Variants in CA10 observed in about 807,000 individuals in gnomAD.
The protein encoded by CA10 is carbonic anhydrase-related protein 10.
Under a neutral mutation model 44.2 loss-of-function variants are expected in CA10, and 14 were observed. The ratio of observed to expected loss-of-function variants is 0.32; its 90% confidence interval spans 0.21 to 0.50. The LOEUF is 0.50. Ranked by LOEUF, CA10 falls within the 20% of genes least tolerant of loss-of-function variation. The pLI is 0.99. For synonymous variants in CA10, 159 were observed against 141.6 expected (o/e 1.12, Z -0.87); for missense variants, 350 against 409.7 (o/e 0.85, Z 1.26).
At chr17:51,654,682 A>C (rs1256732001) in intron 4 of CA10, among the ~76,000 whole-genome samples, 1 of 151,912 alleles carries the variant, frequency 6.6e-6, no homozygotes, top group Non-Finnish European at 1.5e-5. Context: ...TCAGCCTTCC[A>C]AGTAGCTAGG....
intron 3 of CA10, among the ~76,000 whole-genome samples, chr17:51,752,895 G>T (rs1262040226): frequency 6.6e-6 from 1 of 151,906 alleles, no homozygotes; most frequent in African/African-American, 2.4e-5. Context: ...CTGCAGCCTG[G>T]GTGACAGAGT....
chr17:51,906,309 C>T (rs1981549935), intron 3 of CA10, among the ~76,000 whole-genome samples: 1 of 152,086 alleles, frequency 6.6e-6, no homozygotes, highest in African/African-American at 2.4e-5. Context: ...GAAACTGCTC[C>T]CATCAATGAT....
chr17:51,772,348 G>A (rs1905642815), intron 3 of CA10, among the ~76,000 whole-genome samples: 1 of 152,110 alleles, frequency 6.6e-6, no homozygotes, highest in African/African-American at 2.4e-5. Flanking sequence ...GCAAATAAAT[G>A]CAAATGAGTA....
At chr17:52,023,127 C>T (rs916319010) in intron 2 of CA10, among the ~76,000 whole-genome samples, 4 of 152,028 alleles carry the variant, frequency 2.6e-5, no homozygotes, top group Admixed American at 1.3e-4. Flanking sequence ...TCATATGGAA[C>T]TTGAAAAGAG....
intron 6 of CA10, among the ~76,000 whole-genome samples, chr17:51,643,582 A>C (rs1055264416): frequency 1.3e-5 from 2 of 152,200 alleles, no homozygotes; most frequent in African/African-American, 4.8e-5. Flanking sequence ...CTAAGCTTGC[A>C]AGGAAAGTAA....
At chr17:52,066,149 GTAAAT>G (rs1414787131) in intron 2 of CA10, among the ~76,000 whole-genome samples, 1 of 152,184 alleles carries the variant, frequency 6.6e-6, no homozygotes, top group Non-Finnish European at 1.5e-5. Flanking sequence ...GACTAATAGA[GTAAAT>G]TGGTATCACA....
chr17:52,042,279 A>G (rs1446527593), intron 2 of CA10, among the ~76,000 whole-genome samples: 2 of 151,990 alleles, frequency 1.3e-5, no homozygotes, highest in African/African-American at 4.8e-5. Flanking sequence ...CTTTTTCATA[A>G]TAGCCATCCT....
chr17:51,890,431 G>A (rs1980804737), intron 3 of CA10, among the ~76,000 whole-genome samples: 1 of 152,132 alleles, frequency 6.6e-6, no homozygotes, highest in Non-Finnish European at 1.5e-5. Flanking sequence ...CCATAATTTT[G>A]TTGGAAGGAA....
intron 2 of CA10, among the ~76,000 whole-genome samples, chr17:51,979,130 C>G (rs1395157484): frequency 1.3e-5 from 2 of 152,010 alleles, no homozygotes; most frequent in Non-Finnish European, 2.9e-5. Context: ...TTTCTTATGC[C>G]TCTCCAGATA....
At chr17:51,826,638 C>A (rs1048482066) in intron 3 of CA10, among the ~76,000 whole-genome samples, 1 of 152,206 alleles carries the variant, frequency 6.6e-6, no homozygotes, top group Non-Finnish European at 1.5e-5. Context: ...CCACCTGTTT[C>A]TCCTCTGGGA....
chr17:51,976,820 A>C (rs1402232541), intron 2 of CA10, among the ~76,000 whole-genome samples: 2 of 152,090 alleles, frequency 1.3e-5, no homozygotes, highest in South Asian at 2.1e-4. Flanking sequence ...AGTAAAATTG[A>C]TTAATAAAAC....
intron 1 of CA10, among the ~76,000 whole-genome samples, chr17:52,122,214 T>C (rs943693309): frequency 6.6e-6 from 1 of 152,164 alleles, no homozygotes. Flanking sequence ...TTAAGGTGCA[T>C]TAAAAAGCTC....
chr17:51,912,296 C>T lies in CA10; in HGVS notation c.279+18694G>A, dbSNP rs1228004312. Reference sequence around the variant, plus strand: ...ACAGTAATGGGAGCATTCCAATAAGCTGTAATCCTTACCACCATTTTAAAA... The same window carrying T: ...ACAGTAATGGGAGCATTCCAATAAGTTGTAATCCTTACCACCATTTTAAAA... On this transcript the variant is annotated intron_variant, in intron 3 of 8. Transcript: ENST00000451037. 3.3e-5 allele frequency among the ~76,000 whole-genome samples: 5 copies of T among 152,254 alleles called. No homozygotes were observed. In the East Asian group the frequency reaches 9.7e-4, roughly 29 times the overall value.
At chr17:51,979,104 AT>A (rs1360483035) in intron 2 of CA10, among the ~76,000 whole-genome samples, 1 of 152,072 alleles carries the variant, frequency 6.6e-6, no homozygotes, top group East Asian at 1.9e-4. Context: ...ACCTATGAGT[AT>A]AATAAATCCT....
chr17:51,898,852 A>G (rs1409808389), intron 3 of CA10, among the ~76,000 whole-genome samples: 1 of 151,818 alleles, frequency 6.6e-6, no homozygotes, highest in South Asian at 2.1e-4. Context: ...TATTCATAGT[A>G]GTCTCTGAGG....
intron 2 of CA10, among the ~76,000 whole-genome samples, chr17:52,003,133 T>C (rs1357780413): frequency 2.0e-5 from 3 of 152,004 alleles, no homozygotes; most frequent in Non-Finnish European, 2.9e-5. Flanking sequence ...GATCTCCTTA[T>C]TGATCCCTGA....
At chr17:51,813,559 C>A (rs1907454376) in intron 3 of CA10, among the ~76,000 whole-genome samples, 1 of 152,160 alleles carries the variant, frequency 6.6e-6, no homozygotes, top group African/African-American at 2.4e-5. Context: ...TGTTATTTTC[C>A]ATGGTTGTTT....
At chr17:51,848,789 G>A (rs1978612318) in intron 3 of CA10, among the ~76,000 whole-genome samples, 1 of 152,150 alleles carries the variant, frequency 6.6e-6, no homozygotes. Flanking sequence ...GCTCATGCCT[G>A]CAATCCCAGT....
intron 4 of CA10, among the ~76,000 whole-genome samples, chr17:51,732,848 TAAA>T (rs1038460694): frequency 6.6e-6 from 1 of 151,278 alleles, no homozygotes; most frequent in African/African-American, 2.4e-5. Flanking sequence ...ACACAGAAAA[TAAA>T]AAATAAAAAA....
Sources: allele counts gnomAD v4.1 joint callset (sites outside exome capture counted in the v4.1 genomes callset), GRCh38; gene constraint gnomAD v4.1.1; transcripts MANE v1.5; gene names NCBI Gene and HGNC (gene_info 2026-07-23, HGNC 2026-07-21).